The following LIMCH1 variants were observed in gnomAD, a reference collection of about 807,000 sequenced individuals.
The protein encoded by LIMCH1 is LIM and calponin homology domains-containing protein 1.
A neutral mutation model predicts 176.5 loss-of-function variants in LIMCH1; 113 were observed. The ratio of observed to expected loss-of-function variants is 0.64; its 90% CI spans 0.55 to 0.75. The LOEUF (loss-of-function observed/expected upper bound fraction) is 0.75. LIMCH1 is among the 30% of genes least tolerant of loss of function. The pLI is 0.00. For synonymous variants in LIMCH1, 619 were observed against 645.9 expected, an observed-to-expected ratio of 0.96 and a Z score of 0.63; for missense variants, 1,674 against 1,814.9, an observed-to-expected ratio of 0.92 and a Z score of 1.41.
At chr4:41,367,838 G>A (rs2154094621) in intron 1 of LIMCH1, among the ~76,000 whole-genome samples, 1 of 146,280 alleles carries the variant, frequency 6.8e-6, no homozygotes, top group Non-Finnish European at 1.5e-5. Context: ...CTGCACTCCA[G>A]CCTGGGCGGC....
At chr4:41,393,684 A>G (rs545820203) in intron 1 of LIMCH1, among the ~76,000 whole-genome samples, 6 of 152,332 alleles carry the variant, frequency 3.9e-5, no homozygotes, top group African/African-American at 1.4e-4. Context: ...AACAAATACC[A>G]TGGCTTTAAA....
At chr4:41,586,818 G>C (rs1006635404) in intron 1 of LIMCH1, among the ~76,000 whole-genome samples, 1 of 152,124 alleles carries the variant, frequency 6.6e-6, no homozygotes, top group Non-Finnish European at 1.5e-5. Context: ...CTTGAGAGGC[G>C]ATACAGCTGC....
chr4:41,694,888 C>G (rs906764041), intron 31 of LIMCH1, among the ~76,000 whole-genome samples: 4 of 152,036 alleles, frequency 2.6e-5, no homozygotes, highest in African/African-American at 7.2e-5. Context: ...TTCCTCCAAG[C>G]CTGTATCAGC....
At chr4:41,400,289 C>T (rs1345833882) in intron 1 of LIMCH1, among the ~76,000 whole-genome samples, 1 of 152,116 alleles carries the variant, frequency 6.6e-6, no homozygotes, top group Non-Finnish European at 1.5e-5. Context: ...GGGAGAGTTC[C>T]TAAACTGTGT....
chr4:41,544,624 C>T (rs1191601330), intron 1 of LIMCH1, among the ~76,000 whole-genome samples: 1 of 152,160 alleles, frequency 6.6e-6, no homozygotes, highest in East Asian at 1.9e-4. Flanking sequence ...TCCACCTCCT[C>T]TCCAAGCAAG....
intron 1 of LIMCH1, among the ~76,000 whole-genome samples, chr4:41,381,516 A>AC (rs2055666178): frequency 6.7e-6 from 1 of 149,890 alleles, no homozygotes; most frequent in African/African-American, 2.5e-5. Flanking sequence ...CTGTGTACAT[A>AC]CCCCTTGCCA....
chr4:41,551,295 A>G (rs2080381403), intron 1 of LIMCH1: 1 of 152,234 alleles, frequency 6.6e-6, no homozygotes, highest in African/African-American at 2.4e-5. Context: ...ATGGATATTT[A>G]TAACAGCCTT....
chr4:41,620,157 A>G (rs1317625071), intron 6 of LIMCH1: 4 of 406,574 alleles, frequency 9.8e-6, no homozygotes, highest in Non-Finnish European at 1.8e-5. Context: ...TAATTTGCTG[A>G]ACAAACTAAT....
intron 18 of LIMCH1, among the ~76,000 whole-genome samples, chr4:41,656,644 A>G (rs1415183276): frequency 1.3e-5 from 2 of 152,196 alleles, no homozygotes; most frequent in African/African-American, 4.8e-5. Flanking sequence ...AAGTGAAAAG[A>G]GAAACCCATG....
intron 1 of LIMCH1, among the ~76,000 whole-genome samples, chr4:41,403,356 G>A (rs760264630): frequency 1.2e-4 from 18 of 152,078 alleles, no homozygotes; most frequent in Non-Finnish European, 2.6e-4. Context: ...TGAGGCAAGC[G>A]GATCACTTGA....
intron 1 of LIMCH1, among the ~76,000 whole-genome samples, chr4:41,491,695 C>T (rs529526731): frequency 9.0e-4 from 125 of 139,350 alleles, no homozygotes; most frequent in African/African-American, 2.8e-3. Flanking sequence ...GATGGGGTGG[C>T]GATTGGGCAG....
intron 3 of LIMCH1, among the ~76,000 whole-genome samples, chr4:41,531,439 G>A (rs964523389): frequency 1.4e-5 from 2 of 146,668 alleles, no homozygotes; most frequent in Admixed American, 1.4e-4. Flanking sequence ...TACCTAAAAT[G>A]CCCTCCTCTC....
At chr4:41,651,827 T>G (rs569360351) in intron 18 of LIMCH1, among the ~76,000 whole-genome samples, 1 of 152,232 alleles carries the variant, frequency 6.6e-6, no homozygotes, top group Non-Finnish European at 1.5e-5. Flanking sequence ...AAAAGTGAAC[T>G]CAAAATAACA....
chr4:41,457,612 A>G (rs2064778918), intron 1 of LIMCH1, among the ~76,000 whole-genome samples: 1 of 152,074 alleles, frequency 6.6e-6, no homozygotes, highest in Non-Finnish European at 1.5e-5. Context: ...TCATAGAGTC[A>G]CTCAGTGCTG....
intron 8 of LIMCH1, among the ~76,000 whole-genome samples, chr4:41,628,841 C>A (rs2093145194): frequency 6.6e-6 from 1 of 152,136 alleles, no homozygotes; most frequent in African/African-American, 2.4e-5. Flanking sequence ...TGGGTATTGA[C>A]CCTGTCAATC....
chr4:41,685,674 C>A (rs775632678), intron 27 of LIMCH1, 36 bp from the exon 28 acceptor site: 1 of 1,610,686 alleles, frequency 6.2e-7, no homozygotes, highest in Non-Finnish European at 8.5e-7. Flanking sequence ...GGTGATTTTA[C>A]TGTGCACTAC....
intron 1 of LIMCH1, among the ~76,000 whole-genome samples, chr4:41,437,835 A>G (rs4515195): frequency 0.43 from 65,769 of 151,982 alleles, 17,737 homozygotes; most frequent in African/African-American, 0.77. Context: ...AGCAGTTCCC[A>G]AAAACTGTTC....
intron 1 of LIMCH1, among the ~76,000 whole-genome samples, chr4:41,374,348 G>T (rs1017074626): frequency 2.6e-5 from 4 of 152,110 alleles, no homozygotes; most frequent in Non-Finnish European, 4.4e-5. Context: ...GAGAGTGATT[G>T]TATAGAAAGA....
At chr4:41,529,760 TTTTC>T (rs1401934457) in intron 3 of LIMCH1, among the ~76,000 whole-genome samples, 2 of 152,206 alleles carry the variant, frequency 1.3e-5, no homozygotes, top group Admixed American at 1.3e-4. Flanking sequence ...CATCTCTTTT[TTTTC>T]TTTCTGTCGG....
Sources: allele counts gnomAD v4.1 joint callset (sites outside exome capture counted in the v4.1 genomes callset), GRCh38; gene constraint gnomAD v4.1.1; transcripts MANE v1.5; gene names NCBI Gene and HGNC (gene_info 2026-07-23, HGNC 2026-07-21).